The following PACSIN1 variants were observed in gnomAD, a reference collection of about 807,000 sequenced individuals.
PACSIN1 encodes protein kinase C and casein kinase substrate in neurons 1, also known as protein kinase C and casein kinase substrate in neurons protein 1.
In PACSIN1, 15 loss-of-function variants were observed where a neutral mutation model predicts 59.5. That is an observed-to-expected ratio of 0.25 (90% CI 0.17 to 0.39). The LOEUF is 0.39. PACSIN1 is among the 10% of genes least tolerant of loss of function. PACSIN1 has a pLI of 1.00. For missense variants in PACSIN1, 420 were observed against 580.2 expected (o/e 0.72, Z 2.84); for synonymous variants, 210 against 220.6 (o/e 0.95, Z 0.42).
At chr6:34,505,704 G>A (rs1161948011) in intron 1 of PACSIN1, among the ~76,000 whole-genome samples, 3 of 148,616 alleles carry the variant, frequency 2.0e-5, no homozygotes, top group Admixed American at 6.7e-5. Context: ...CACAATCTCG[G>A]CTCACTGCAA....
intron 1 of PACSIN1, among the ~76,000 whole-genome samples, chr6:34,502,326 C>A (rs1767036807): frequency 6.6e-6 from 1 of 152,218 alleles, no homozygotes; most frequent in East Asian, 1.9e-4. Context: ...GTGGGTCCAG[C>A]TATTGTGCTG....
At chr6:34,472,283 A>C (rs1766582584) in intron 1 of PACSIN1, among the ~76,000 whole-genome samples, 1 of 151,566 alleles carries the variant, frequency 6.6e-6, no homozygotes, top group Admixed American at 6.6e-5. Flanking sequence ...AAAAAAAAAA[A>C]AAAAAAAAAA....
At chr6:34,498,678 C>T (rs910077102) in intron 1 of PACSIN1, among the ~76,000 whole-genome samples, 6 of 151,786 alleles carry the variant, frequency 4.0e-5, no homozygotes, top group African/African-American at 1.5e-4. Flanking sequence ...CACCTGTAGT[C>T]CCAAGTACTC....
In PACSIN1 at chr6:34,529,823, A is replaced by T; in HGVS notation, c.770A>T (p.Asn257Ile). The change falls in exon 6 of 10, where the codon AAC becomes ATC. Residue 257 changes from asparagine (N) to isoleucine (I), a missense_variant. Physicochemically the swap from Asn to Ile is moderately radical, Grantham distance 149. Transcript: ENST00000244458. This position sits in a 1 kb window ranked among gnomAD's most constrained non-coding sequence, Gnocchi z 6.3. Reference protein sequence around the residue: ...EVLLDIKRHLNLAENSSYIHV... With the variant: ...EVLLDIKRHLILAENSSYIHV... The stretch of plus-strand genomic sequence containing the variant: ...CTGCTGGACATCAAACGGCACCTCA[A>T]CCTGGCTGAGAACAGCAGGTACCTG... 6.2e-7 allele frequency: 1 copy of T among 1,613,740 alleles called. No homozygotes were observed. Among genetic ancestry groups the T allele is most frequent in the East Asian group, 2.2e-5 (1 of 44,856 alleles).
chr6:34,501,804 G>C (rs1366138311), intron 1 of PACSIN1, among the ~76,000 whole-genome samples: 1 of 152,118 alleles, frequency 6.6e-6, no homozygotes, highest in Non-Finnish European at 1.5e-5. Flanking sequence ...GCCGAGGAGG[G>C]TGGATCAAGA....
intron 1 of PACSIN1, among the ~76,000 whole-genome samples, chr6:34,499,791 G>A (rs186815362): frequency 1.5e-4 from 23 of 151,186 alleles, no homozygotes; most frequent in Middle Eastern, 3.4e-3. Context: ...GTGAAACTTC[G>A]TCTCAATAAA....
Position 34,529,245 on chromosome 6 carries a change from G to A in PACSIN1, c.457-152G>A, listed in dbSNP as rs79659264. ...CCACAAATGGAGGAGCGCTGCTCCC[G>A]AACACCTGGAGCCAGGGCCTGCATC... On this transcript the variant is annotated intron_variant, in intron 4 of 9. Coordinates refer to ENST00000244458, the MANE Select transcript of PACSIN1 (RefSeq NM_020804.5). This position sits in a 1 kb window ranked among gnomAD's most constrained non-coding sequence, Gnocchi z 6.3. The A allele has an allele frequency of 0.012, 9,750 of 791,870 alleles. 412 individuals carry two copies. Among genetic ancestry groups the A allele is most frequent in the East Asian group, 0.12 (4,467 of 37,342 alleles). The allele number at this position is 791,870 out of a possible 1,614,324, so 49.1% of individuals were successfully genotyped here. A position where few individuals can be genotyped will look rare whatever the true frequency, so the allele number is the denominator to read the frequency against.
At position 34,526,309 on chromosome 6, in the gene PACSIN1, T is replaced by G; in HGVS notation, c.4T>G (p.Ser2Ala). The G allele has an allele frequency of 6.2e-7, 1 of 1,611,994 alleles. No individual in the cohort carries two copies. The highest frequency in any genetic ancestry group is 8.5e-7 in the Non-Finnish European group (1 of 1,179,818). Reference sequence around the variant, plus strand: ...TCCATCCCCCTGCGGCTACACCATGTCCAGCTCCTACGATGAGGCCTCACT... The same window carrying G: ...TCCATCCCCCTGCGGCTACACCATGGCCAGCTCCTACGATGAGGCCTCACT... Reference protein sequence around the residue: MSSSYDEASLAP... With the variant: MASSYDEASLAP... Residue 2 changes from serine (S) to alanine (A), a missense_variant, in exon 2 of 10, where the codon TCC becomes GCC. Coordinates refer to ENST00000244458, the MANE Select transcript of PACSIN1 (RefSeq NM_020804.5).
intron 1 of PACSIN1, among the ~76,000 whole-genome samples, chr6:34,511,106 A>G (rs1332405836): frequency 4.6e-5 from 7 of 152,216 alleles, no homozygotes; most frequent in Admixed American, 3.9e-4. Flanking sequence ...TATGGACATC[A>G]TCTGTTTATC....
intron 1 of PACSIN1, among the ~76,000 whole-genome samples, chr6:34,487,651 C>T (rs1766814267): frequency 6.6e-6 from 1 of 152,150 alleles, no homozygotes; most frequent in African/African-American, 2.4e-5. Context: ...TGGGGTGACT[C>T]TTGAACATCA....
intron 1 of PACSIN1, among the ~76,000 whole-genome samples, chr6:34,498,726 G>T (rs746790884): frequency 8.6e-5 from 13 of 150,646 alleles, no homozygotes; most frequent in Non-Finnish European, 1.9e-4. Flanking sequence ...AGCCCGGGAA[G>T]GTCATGGCTG....
intron 1 of PACSIN1, among the ~76,000 whole-genome samples, chr6:34,473,268 A>G (rs980580446): frequency 6.6e-6 from 1 of 151,810 alleles, no homozygotes; most frequent in Non-Finnish European, 1.5e-5. Context: ...CAGCAGGGAC[A>G]AAGATGCAAA....
rs1475765257 is a variant in PACSIN1, at chr6:34,518,764, GA to G, written c.-63-7477del. ...CTTTGCCCTGTCCCTCACGCTGGCT[GA>G]ATTTTCTCTGAACTGTTGTCACCAC... On this transcript the variant is annotated intron_variant, in intron 1 of 9. Transcript: ENST00000244458. This position sits in a 1 kb window ranked among gnomAD's most constrained non-coding sequence, Gnocchi z 4.4. Among the ~76,000 whole-genome samples the G allele has an allele frequency of 2.0e-5, 3 of 152,206 alleles. No homozygotes were observed. The highest frequency in any genetic ancestry group is 4.4e-5 in the Non-Finnish European group (3 of 68,032).
At chr6:34,489,474 G>A (rs548911403) in intron 1 of PACSIN1, among the ~76,000 whole-genome samples, 1 of 152,132 alleles carries the variant, frequency 6.6e-6, no homozygotes, top group East Asian at 1.9e-4. Context: ...AGGCCTCCAC[G>A]TCGAAAACCC....
chr6:34,468,122 G>A (rs1420259033), intron 1 of PACSIN1, among the ~76,000 whole-genome samples: 1 of 152,232 alleles, frequency 6.6e-6, no homozygotes, highest in Non-Finnish European at 1.5e-5. Context: ...AAGCTGGGAA[G>A]GCCCAAGCCA....
intron 1 of PACSIN1, among the ~76,000 whole-genome samples, chr6:34,507,245 C>T (rs1034205632): frequency 1.3e-5 from 2 of 152,062 alleles, no homozygotes; most frequent in African/African-American, 4.8e-5. Context: ...CTTCCAGCTC[C>T]AAATCTGGCA....
rs188436707 is a variant in PACSIN1 at position 34,470,607 on chromosome 6, C to A, written c.-64+4337C>A. On this transcript the variant is annotated intron_variant, in intron 1 of 9. Coordinates refer to ENST00000244458, the MANE Select transcript of PACSIN1 (RefSeq NM_020804.5). ...ATAGCTCACTGCAGCCTCGACCTCC[C>A]GGGCCCAAGGGATCCTCCCATTCAG... 1.1e-3 allele frequency among the ~76,000 whole-genome samples: 61 copies of A among 57,016 alleles called. 2 individuals are homozygous for A. In the South Asian group the frequency reaches 0.027, roughly 25 times the overall value. The allele number at this position is 57,016 out of a possible 152,430, so 37.4% of individuals were successfully genotyped here. A position where few individuals can be genotyped will look rare whatever the true frequency, so the allele number is the denominator to read the frequency against.
chr6:34,526,261 T>C lies in PACSIN1; in HGVS notation c.-45T>C. Reference sequence around the variant, plus strand: ...CTCCCAGTGCATGAGCAGCCGAGCCTGCTAACCGCAGCTCCGCACTTGTCC... The same window carrying C: ...CTCCCAGTGCATGAGCAGCCGAGCCCGCTAACCGCAGCTCCGCACTTGTCC... On this transcript the variant is annotated 5_prime_UTR_variant, in exon 2 of 10. Coordinates refer to ENST00000244458, the MANE Select transcript of PACSIN1 (RefSeq NM_020804.5). 1 of 1,552,078 alleles carries C rather than the reference T, an allele frequency of 6.4e-7. No homozygotes were observed. Among genetic ancestry groups the C allele is most frequent in the Non-Finnish European group, 8.9e-7 (1 of 1,128,220 alleles).
rs1256169556 is a variant in PACSIN1, at chr6:34,527,508, T to C, written c.220+20T>C. 6.4e-7 allele frequency: 1 copy of C among 1,569,612 alleles called. No homozygotes were observed. ...AGAAAGGTGCTCCCCCAGGCTCACA[T>C]CGTGCGCGCCCCCAGGCCGTCACGA... is the stretch of plus-strand genomic sequence containing the variant. On this transcript the variant is annotated intron_variant, in intron 3 of 9. Coordinates refer to ENST00000244458, the MANE Select transcript of PACSIN1 (RefSeq NM_020804.5).
Sources: allele counts gnomAD v4.1 joint callset (sites outside exome capture counted in the v4.1 genomes callset), GRCh38; gene constraint gnomAD v4.1.1; non-coding constraint Gnocchi (gnomAD v3.1); transcripts MANE v1.5; gene names NCBI Gene and HGNC (gene_info 2026-07-23, HGNC 2026-07-21).